The following GPR143 variants were observed in gnomAD, a reference collection of about 807,000 sequenced individuals.
The protein encoded by GPR143 is G-protein coupled receptor 143.
A neutral mutation model predicts 27.6 loss-of-function variants in GPR143; 8 were observed. The observed-to-expected ratio is 0.29, with a 90% CI of 0.17 to 0.52. The LOEUF (loss-of-function observed/expected upper bound fraction) is 0.52. Ranked by LOEUF, GPR143 falls within the 20% of genes least tolerant of loss-of-function variation. The pLI, the probability that GPR143 is intolerant of heterozygous loss-of-function variation, is 0.96. For missense variants in GPR143, 303 were observed against 343.1 expected, an observed-to-expected ratio of 0.88 and a Z score of 0.92; for synonymous variants, 156 against 153.2, an observed-to-expected ratio of 1.02 and a Z score of -0.13.
intron 1 of GPR143, among the ~76,000 whole-genome samples, chrX:9,775,480 T>C (rs1381037649): frequency 9.0e-6 from 1 of 111,642 alleles, no homozygotes; most frequent in Non-Finnish European, 1.9e-5. Flanking sequence ...ATATGCATCG[T>C]CTTTCGTAAC....
At position 9,725,602 on chromosome X, in the gene GPR143, A is replaced by G; in HGVS notation, c.*144T>C. ...CTCCTATCCTAAAGGCCCTTCGGGA[A>G]GAAGCTCTAGCTGGTGATGAGAGCA... On this transcript the variant is annotated 3_prime_UTR_variant, in exon 9 of 9. Transcript: ENST00000467482. 2.0e-6 allele frequency: 1 copy of G among 488,290 alleles called. No individual in the cohort carries two copies. The allele number at this position is 488,290 out of a possible 1,213,427, so 40.2% of individuals were successfully genotyped here. A position where few individuals can be genotyped will look rare whatever the true frequency, so the allele number is the denominator to read the frequency against.
At chrX:9,739,352 G>A (rs920426236) in intron 8 of GPR143, 133 bp downstream of exon 8, 3 of 502,522 alleles carry the variant, frequency 6.0e-6, no homozygotes, top group Non-Finnish European at 1.1e-5. Flanking sequence ...GGAAGCTAGT[G>A]AGTTCACATG....
chrX:9,752,431 G>T (rs1431827150), intron 3 of GPR143, among the ~76,000 whole-genome samples: 1 of 111,865 alleles, frequency 8.9e-6, no homozygotes, highest in Admixed American at 9.5e-5. Flanking sequence ...TTTCCCTAAA[G>T]ATGTCCCTGT....
At chrX:9,728,848 C>T (rs1186680598) in intron 8 of GPR143, among the ~76,000 whole-genome samples, 1 of 109,167 alleles carries the variant, frequency 9.2e-6, no homozygotes, top group Non-Finnish European at 1.9e-5. Flanking sequence ...TGGTGTTCCT[C>T]CAACACATAC....
intron 7 of GPR143, among the ~76,000 whole-genome samples, chrX:9,740,441 G>A (rs1387029483): frequency 8.9e-6 from 1 of 112,679 alleles, no homozygotes; most frequent in East Asian, 2.8e-4. Flanking sequence ...CCAACAACAC[G>A]TGTGCATTTC....
At chrX:9,726,443 A>G (rs2083328069) in intron 8 of GPR143, among the ~76,000 whole-genome samples, 1 of 111,759 alleles carries the variant, frequency 8.9e-6, no homozygotes, top group Admixed American at 9.5e-5. Context: ...TCATCTCTCA[A>G]TGCCCAACTA....
At chrX:9,741,194 G>A in intron 7 of GPR143, 144 bp downstream of exon 7, 1 of 417,088 alleles carries the variant, frequency 2.4e-6, no homozygotes, top group Non-Finnish European at 4.3e-6. Flanking sequence ...CAAGACAGAG[G>A]ATTGCTTGAG....
intron 4 of GPR143, among the ~76,000 whole-genome samples, 155 bp downstream of exon 4, chrX:9,748,419 G>A (rs2083437638): frequency 8.8e-6 from 1 of 113,020 alleles, no homozygotes; most frequent in Non-Finnish European, 1.9e-5. Context: ...TCAGCCCTCT[G>A]GGGCTGGGCC....
intron 5 of GPR143, among the ~76,000 whole-genome samples, chrX:9,745,251 G>A (rs933911565): frequency 7.1e-5 from 8 of 113,022 alleles, no homozygotes; most frequent in African/African-American, 2.2e-4. Context: ...GCGAGACTCC[G>A]TCTCAATGAA....
At chrX:9,737,122 C>A (rs1439151232) in intron 8 of GPR143, among the ~76,000 whole-genome samples, 2 of 111,555 alleles carry the variant, frequency 1.8e-5, no homozygotes, top group East Asian at 5.6e-4. Flanking sequence ...CATAGGGAGA[C>A]CCCAGCTCTA....
chrX:9,739,392 C>T, intron 8 of GPR143, 93 bp downstream of exon 8: 1 of 610,152 alleles, frequency 1.6e-6, no homozygotes, highest in Non-Finnish European at 2.7e-6. Context: ...CCGCCATGCA[C>T]AGGACAGCCC....
intron 4 of GPR143, among the ~76,000 whole-genome samples, chrX:9,747,505 C>T (rs1465081446): frequency 9.0e-6 from 1 of 111,258 alleles, no homozygotes; most frequent in Admixed American, 9.7e-5. Flanking sequence ...GTTATAACAG[C>T]TGCTGACAGT....
intron 1 of GPR143, among the ~76,000 whole-genome samples, chrX:9,761,282 C>T (rs1048099431): frequency 1.8e-5 from 2 of 111,385 alleles, no homozygotes; most frequent in Non-Finnish European, 3.8e-5. Flanking sequence ...TTAGTAGAGA[C>T]GGGGTATCAC....
chrX:9,744,389 A>G (rs1248313976), intron 5 of GPR143, among the ~76,000 whole-genome samples: 1 of 111,715 alleles, frequency 9.0e-6, no homozygotes, highest in Non-Finnish European at 1.9e-5. Flanking sequence ...TTCAGAAACT[A>G]TATTTTTAAA....
chrX:9,752,076 T>G (rs765749493), intron 3 of GPR143, among the ~76,000 whole-genome samples: 4 of 112,247 alleles, frequency 3.6e-5, no homozygotes, highest in African/African-American at 9.7e-5. Flanking sequence ...TTGTGGTGGT[T>G]GTTGTTTTAA....
chrX:9,775,957 A>G (rs1440389630), intron 1 of GPR143, among the ~76,000 whole-genome samples: 1 of 112,283 alleles, frequency 8.9e-6, no homozygotes, highest in Non-Finnish European at 1.9e-5. Flanking sequence ...GCCTTCATAC[A>G]AGACTGTGAA....
chrX:9,777,299 T>C, intron 1 of GPR143, among the ~76,000 whole-genome samples: 1 of 111,680 alleles, frequency 9.0e-6, no homozygotes, highest in Middle Eastern at 4.2e-3. Flanking sequence ...CCCAGCTACT[T>C]AGGAGAGTGA....
At chrX:9,750,365 A>G (rs953366622) in intron 3 of GPR143, among the ~76,000 whole-genome samples, 1 of 104,908 alleles carries the variant, frequency 9.5e-6, no homozygotes, top group Non-Finnish European at 1.9e-5. Context: ...ATGCACCACC[A>G]TGCCCAGCTA....
chrX:9,734,080 CA>C (rs34722888), intron 8 of GPR143, among the ~76,000 whole-genome samples: 2,801 of 57,772 alleles, frequency 0.048, 93 homozygotes, highest in African/African-American at 0.15. Flanking sequence ...AACTCTGTCT[CA>C]AAAAAAAAAA....
Sources: allele counts gnomAD v4.1 joint callset (sites outside exome capture counted in the v4.1 genomes callset), GRCh38; gene constraint gnomAD v4.1.1; transcripts MANE v1.5; gene names NCBI Gene and HGNC (gene_info 2026-07-23, HGNC 2026-07-21).